SOX6: variants seen among roughly 807,000 people sequenced by gnomAD.
SOX6 encodes SRY-box transcription factor 6.
In SOX6, 11 loss-of-function variants were observed where a neutral mutation model predicts 97.8. That is an observed-to-expected ratio of 0.11 (90% confidence interval 0.07 to 0.19). The LOEUF (loss-of-function observed/expected upper bound fraction) is 0.19, where lower values mean the gene tolerates loss of function less well. Ranked by LOEUF, SOX6 falls within the 10% of genes least tolerant of loss-of-function variation. SOX6 has a pLI of 1.00. For synonymous variants in SOX6, 360 were observed against 371.4 expected, an observed-to-expected ratio of 0.97 and a Z score of 0.35; for missense variants, 810 against 1,039.5, an observed-to-expected ratio of 0.78 and a Z score of 3.04.
rs992872768 is a variant in SOX6 at position 15,986,520 on chromosome 11, G to C, written c.1967-100C>G. ...TTCCCATCACTTCACTCATCTGTGC[G>C]CTGGGTGGCTCCAATTCCCACATAC... On this transcript the variant is annotated intron_variant, in intron 14 of 15. Transcript: ENST00000683767. 2.6e-6 allele frequency: 3 copies of C among 1,147,816 alleles called. 1 individual carries two copies. The highest frequency in any genetic ancestry group is 3.8e-6 in the Non-Finnish European group (3 of 779,302). The allele number at this position is 1,147,816 out of a possible 1,614,324, so 71.1% of individuals were successfully genotyped here. A position where few individuals can be genotyped will look rare whatever the true frequency, so the allele number is the denominator to read the frequency against.
intron 2 of SOX6, among the ~76,000 whole-genome samples, chr11:16,721,194 G>C (rs1485640065): frequency 6.6e-6 from 1 of 152,192 alleles, no homozygotes; most frequent in Non-Finnish European, 1.5e-5. Flanking sequence ...AGGAAGCTTA[G>C]AGTCCTTCCT....
intron 1 of SOX6, among the ~76,000 whole-genome samples, chr11:16,396,042 G>A (rs1858344547): frequency 1.3e-5 from 1 of 74,976 alleles, no homozygotes; most frequent in African/African-American, 4.8e-5. Flanking sequence ...CAAGCACATA[G>A]AATTTAGAGA....
At chr11:16,143,428 A>G (rs1850202332) in intron 6 of SOX6, among the ~76,000 whole-genome samples, 2 of 152,218 alleles carry the variant, frequency 1.3e-5, no homozygotes, top group Admixed American at 6.5e-5. Flanking sequence ...CAAGGCTAGG[A>G]AGAAACTGCA....
At chr11:16,374,504 T>A (rs1232814820) in intron 1 of SOX6, among the ~76,000 whole-genome samples, 6 of 152,100 alleles carry the variant, frequency 3.9e-5, no homozygotes, top group Non-Finnish European at 8.8e-5. Flanking sequence ...ATTTCAAATA[T>A]CACACGTGGA....
At position 16,473,709 on chromosome 11, in the gene SOX6, G is replaced by A. The variant is rs911200092; in HGVS notation, c.-5+2606C>T. Among the ~76,000 whole-genome samples the A allele has an allele frequency of 2.0e-5, 3 of 151,942 alleles. No individual in the cohort carries two copies. The South Asian group carries it at 6.2e-4, about 32-fold the overall frequency. ...TGGGACTACAGGCATGCACCACCAC[G>A]CCTGGCTATTTTTTGTATTTTTAGT... On this transcript the variant is annotated intron_variant, in intron 1 of 15. Coordinates refer to the SOX6 transcript ENST00000396356.
intron 1 of SOX6, among the ~76,000 whole-genome samples, chr11:16,436,450 C>G (rs554750950): frequency 5.3e-5 from 8 of 152,190 alleles, no homozygotes; most frequent in African/African-American, 1.9e-4. Flanking sequence ...CATATATCAT[C>G]TATCACTCCT....
At chr11:16,082,007 G>T (rs2133956446) in intron 9 of SOX6, among the ~76,000 whole-genome samples, 1 of 152,308 alleles carries the variant, frequency 6.6e-6, no homozygotes, top group African/African-American at 2.4e-5. Context: ...GATATGAATA[G>T]ACTTTCCTTT....
chr11:16,096,138 G>GAAAAAAAAAAAA lies in SOX6; in HGVS notation c.979-32_979-21dup. 1.5e-6 allele frequency: 2 copies of GAAAAAAAAAAAA among 1,338,464 alleles called. No individual in the cohort carries two copies. Among genetic ancestry groups the GAAAAAAAAAAAA allele is most frequent in the Non-Finnish European group, 2.0e-6 (2 of 982,888 alleles). 82.9% of individuals were successfully genotyped at this position (1,338,464 alleles called of 1,614,324 possible). A position where few individuals can be genotyped will look rare whatever the true frequency, so the allele number is the denominator to read the frequency against. ...ACCCTTCTGTTTAGTAGCATATTCA[G>GAAAAAAAAAAAA]AAAAAAAAAAAAAGACAAAACATAC... On this transcript the variant is annotated intron_variant, in intron 8 of 15. Coordinates refer to ENST00000683767, the MANE Select transcript of SOX6 (RefSeq NM_001367873.1).
intron 3 of SOX6, among the ~76,000 whole-genome samples, chr11:16,695,158 G>T (rs1301088351): frequency 2.0e-5 from 3 of 152,152 alleles, no homozygotes; most frequent in Admixed American, 6.5e-5. Flanking sequence ...AAAGGAAAAA[G>T]ATCTCTGAGG....
At chr11:16,591,689 T>C (rs1327749050) in intron 4 of SOX6, among the ~76,000 whole-genome samples, 1 of 152,118 alleles carries the variant, frequency 6.6e-6, no homozygotes, top group African/African-American at 2.4e-5. Context: ...AGTCCATTTA[T>C]TAAAAAATAT....
intron 4 of SOX6, among the ~76,000 whole-genome samples, chr11:16,496,254 C>A (rs1199492480): frequency 6.6e-6 from 1 of 151,238 alleles, no homozygotes; most frequent in African/African-American, 2.4e-5. Flanking sequence ...TTATGAAATC[C>A]CAGAAAAATA....
intron 3 of SOX6, among the ~76,000 whole-genome samples, chr11:16,309,974 G>A (rs970514717): frequency 6.6e-6 from 1 of 152,046 alleles, no homozygotes; most frequent in African/African-American, 2.4e-5. Flanking sequence ...CAAAATGCCA[G>A]GAGAGCACCT....
chr11:15,975,146 G>C (rs570474865), intron 15 of SOX6, among the ~76,000 whole-genome samples: 25 of 152,214 alleles, frequency 1.6e-4, no homozygotes, highest in African/African-American at 5.8e-4. Context: ...TGAGTTTTTT[G>C]GTTGCCTGAA....
intron 4 of SOX6, among the ~76,000 whole-genome samples, chr11:16,516,071 C>G (rs1201040014): frequency 1.3e-5 from 2 of 150,612 alleles, no homozygotes; most frequent in Non-Finnish European, 3.0e-5. Flanking sequence ...GTAGTTTTTT[C>G]CAATTCTGTG....
intron 13 of SOX6, among the ~76,000 whole-genome samples, chr11:16,007,304 T>G (rs1228142863): frequency 6.6e-6 from 1 of 152,108 alleles, no homozygotes; most frequent in Non-Finnish European, 1.5e-5. Flanking sequence ...GATAAGTATT[T>G]GTGTAATTTG....
chr11:16,542,608 TA>T (rs1192468653), intron 4 of SOX6, among the ~76,000 whole-genome samples: 1 of 152,046 alleles, frequency 6.6e-6, no homozygotes, highest in African/African-American at 2.4e-5. Flanking sequence ...TTTATCTAGG[TA>T]AAAAAATTTG....
Position 16,061,397 on chromosome 11 carries a change from AT to A in SOX6, c.1102-5497del, listed in dbSNP as rs1384473349. Among the ~76,000 whole-genome samples the A allele has an allele frequency of 2.0e-5, 3 of 151,874 alleles. No individual in the cohort carries two copies. In the East Asian group the frequency reaches 5.8e-4, roughly 29 times the overall value. On this transcript the variant is annotated intron_variant, in intron 9 of 15. Transcript: ENST00000683767. ...ACTGATGAAAAAAATTGTAGATGAC[AT>A]AAACAAATGGAAAAACATCCAATGG... is the stretch of plus-strand genomic sequence containing the variant.
intron 3 of SOX6, among the ~76,000 whole-genome samples, chr11:16,617,976 GAAC>G (rs146999231): frequency 0.023 from 3,442 of 151,824 alleles, 131 homozygotes; most frequent in African/African-American, 0.079. Flanking sequence ...TATAAATTCA[GAAC>G]AACTAGAGCA....
At position 15,966,525 on chromosome 11, in the gene SOX6, G is replaced by C. The variant is rs1349133141; in HGVS notation, c.*6284C>G. 1 of 152,204 alleles carries C rather than the reference G, an allele frequency of 6.6e-6. No homozygotes were observed. The highest frequency in any genetic ancestry group is 1.5e-5 in the Non-Finnish European group (1 of 68,072). 9.4% of individuals were successfully genotyped at this position (152,204 alleles called of 1,614,324 possible). Reference sequence around the variant, plus strand: ...GATGGAGTGATGACAACTAGATTAGGGTAGAGAGGACAGTCTTGAGGTAAA... The same window carrying C: ...GATGGAGTGATGACAACTAGATTAGCGTAGAGAGGACAGTCTTGAGGTAAA... On this transcript the variant is annotated 3_prime_UTR_variant, in exon 16 of 16. Coordinates refer to ENST00000683767, the MANE Select transcript of SOX6 (RefSeq NM_001367873.1).
Sources: gnomAD v4.1 joint callset for allele counts (sites outside exome capture counted in the v4.1 genomes callset) on GRCh38, gnomAD v4.1.1 for gene constraint, MANE v1.5 for transcripts, NCBI Gene and HGNC (gene_info 2026-07-23, HGNC 2026-07-21) for gene names.